HSD17B12: variants seen among roughly 807,000 people sequenced by gnomAD.
HSD17B12 encodes very-long-chain 3-oxoacyl-CoA reductase.
Under a neutral mutation model 39.3 loss-of-function variants are expected in HSD17B12, and 32 were observed. The ratio of observed to expected loss-of-function variants is 0.81; its 90% CI spans 0.61 to 1.09. The LOEUF is 1.09. Ranked by LOEUF, HSD17B12 falls within the 50% of genes least tolerant of loss-of-function variation. The probability of loss-of-function intolerance (pLI) is 0.00; values close to 1 mark genes in which losing one functional copy is unlikely to be tolerated. For synonymous variants in HSD17B12, 150 were observed against 146.7 expected, an observed-to-expected ratio of 1.02 and a Z score of -0.16; for missense variants, 342 against 382.9, an observed-to-expected ratio of 0.89 and a Z score of 0.89.
chr11:43,722,988 G>A (rs1428493972), intron 1 of HSD17B12, among the ~76,000 whole-genome samples: 1 of 152,142 alleles, frequency 6.6e-6, no homozygotes, highest in Non-Finnish European at 1.5e-5. Flanking sequence ...AGTGGCCACA[G>A]GTGGAAGCAG....
chr11:43,630,442 A>G, the HSD17B12 span, among the ~76,000 whole-genome samples: 1 of 152,178 alleles, frequency 6.6e-6, no homozygotes, highest in Non-Finnish European at 1.5e-5. Flanking sequence ...ACTCAGATTA[A>G]TGCCCTACAT....
intron 1 of HSD17B12, among the ~76,000 whole-genome samples, chr11:43,745,850 T>A (rs766479044): frequency 1.4e-4 from 22 of 151,832 alleles, no homozygotes; most frequent in Non-Finnish European, 2.4e-4. Flanking sequence ...ACCTGGTCTC[T>A]ACAGGAAAAA....
intron 1 of HSD17B12, among the ~76,000 whole-genome samples, chr11:43,707,480 A>G (rs1000827506): frequency 6.6e-6 from 1 of 152,180 alleles, no homozygotes; most frequent in Non-Finnish European, 1.5e-5. Flanking sequence ...TTGTGTATTT[A>G]CAGCACAAAC....
chr11:43,743,360 C>T (rs1950385627), intron 1 of HSD17B12, among the ~76,000 whole-genome samples: 1 of 152,142 alleles, frequency 6.6e-6, no homozygotes, highest in Admixed American at 6.5e-5. Context: ...ATCCCTCATC[C>T]CCAGTCACAG....
intron 3 of HSD17B12, among the ~76,000 whole-genome samples, chr11:43,765,971 G>A (rs11037610): frequency 0.22 from 33,360 of 151,316 alleles, 3,897 homozygotes; most frequent in Middle Eastern, 0.37. Flanking sequence ...CACTACAGGC[G>A]CCCGCCACTG....
At chr11:43,799,592 A>C (rs1221760608) in intron 4 of HSD17B12, among the ~76,000 whole-genome samples, 1 of 152,234 alleles carries the variant, frequency 6.6e-6, no homozygotes, top group Admixed American at 6.5e-5. Flanking sequence ...TCCAAAAAAA[A>C]CTAAACTTCC....
chr11:43,675,189 T>C, the HSD17B12 span, among the ~76,000 whole-genome samples: 1 of 152,116 alleles, frequency 6.6e-6, no homozygotes, highest in African/African-American at 2.4e-5. Flanking sequence ...ATCAAACAAT[T>C]TGAAAGCATT....
At chr11:43,712,894 C>G (rs1221311952) in intron 1 of HSD17B12, among the ~76,000 whole-genome samples, 1 of 152,194 alleles carries the variant, frequency 6.6e-6, no homozygotes, top group Non-Finnish European at 1.5e-5. Flanking sequence ...TAAACTTTTA[C>G]ATGATGTCAG....
chr11:43,590,320 A>G, the HSD17B12 span, among the ~76,000 whole-genome samples: 3 of 151,570 alleles, frequency 2.0e-5, no homozygotes, highest in Non-Finnish European at 4.4e-5. Context: ...ACTCTGGGTC[A>G]GTTAAATTGC....
chr11:43,695,722 G>A (rs1949905266), intron 1 of HSD17B12, among the ~76,000 whole-genome samples: 1 of 152,104 alleles, frequency 6.6e-6, no homozygotes, highest in African/African-American at 2.4e-5. Flanking sequence ...TGAGGAAGGA[G>A]GAAAATGGGC....
intron 1 of HSD17B12, among the ~76,000 whole-genome samples, chr11:43,687,798 C>T (rs1465795899): frequency 3.3e-5 from 5 of 152,150 alleles, no homozygotes; most frequent in Admixed American, 6.5e-5. Flanking sequence ...AACTGTAAGC[C>T]GAATTTCTTG....
the HSD17B12 span, among the ~76,000 whole-genome samples, chr11:43,566,948 G>C: frequency 2.0e-5 from 3 of 152,226 alleles, no homozygotes; most frequent in African/African-American, 7.2e-5. Flanking sequence ...AGCTTCAGTA[G>C]ACTCTGTCTT....
the HSD17B12 span, among the ~76,000 whole-genome samples, chr11:43,620,811 G>A: frequency 6.6e-6 from 1 of 152,222 alleles, no homozygotes; most frequent in East Asian, 1.9e-4. Flanking sequence ...GAGCTGAGCT[G>A]CACTGGTTTG....
intron 1 of HSD17B12, among the ~76,000 whole-genome samples, chr11:43,706,721 T>TGTGTGTGTGTG (rs368772116): frequency 2.2e-5 from 3 of 139,116 alleles, no homozygotes; most frequent in East Asian, 2.0e-4. Context: ...TGTGTGTGTG[T>TGTGTGTGTGTG]TGTGGGGGGT....
chr11:43,628,254 A>T, the HSD17B12 span, among the ~76,000 whole-genome samples: 1 of 152,164 alleles, frequency 6.6e-6, no homozygotes, highest in Admixed American at 6.6e-5. Context: ...AACCAAAAAA[A>T]ACCTTCTGGT....
chr11:43,627,490 T>C, the HSD17B12 span, among the ~76,000 whole-genome samples: 4,046 of 152,040 alleles, frequency 0.027, 83 homozygotes, highest in South Asian at 0.11. Flanking sequence ...AATTAAATTT[T>C]AAAAACTTCA....
At chr11:43,734,544 G>A (rs1201437653) in intron 1 of HSD17B12, 2 of 569,150 alleles carry the variant, frequency 3.5e-6, no homozygotes, top group African/African-American at 3.8e-5. Flanking sequence ...AGGGCAGTCC[G>A]TGCCCCTCCA....
chr11:43,641,251 CT>C, the HSD17B12 span, among the ~76,000 whole-genome samples: 9 of 150,178 alleles, frequency 6.0e-5, no homozygotes, highest in Admixed American at 1.3e-4. Context: ...AGATAGACCC[CT>C]TTTTTTTTGC....
intron 6 of HSD17B12, among the ~76,000 whole-genome samples, chr11:43,826,445 A>G (rs958061463): frequency 6.6e-6 from 1 of 152,112 alleles, no homozygotes; most frequent in African/African-American, 2.4e-5. Flanking sequence ...TGGAATCATT[A>G]TTAATTGGCA....
Sources: gnomAD v4.1 joint callset for allele counts (sites outside exome capture counted in the v4.1 genomes callset) on GRCh38, gnomAD v4.1.1 for gene constraint, MANE v1.5 for transcripts, NCBI Gene and HGNC (gene_info 2026-07-23, HGNC 2026-07-21) for gene names.